Variants in PRRG2 observed in about 807,000 individuals in gnomAD.
PRRG2 encodes transmembrane gamma-carboxyglutamic acid protein 2.
A neutral mutation model predicts 27.1 loss-of-function variants in PRRG2; 23 were observed. The observed-to-expected ratio is 0.85, with a 90% CI of 0.61 to 1.20. PRRG2 has a LOEUF of 1.20. PRRG2 is among the 50% of genes most tolerant of loss of function. The pLI, the probability that PRRG2 is intolerant of heterozygous loss-of-function variation, is 0.00. For missense variants in PRRG2, 276 were observed against 254.8 expected (o/e 1.08, Z -0.57); for synonymous variants, 104 against 103.4 (o/e 1.01, Z -0.03).
At chr19:49,581,941 A>G (rs2080627520) in intron 1 of PRRG2, among the ~76,000 whole-genome samples, 1 of 151,868 alleles carries the variant, frequency 6.6e-6, no homozygotes, top group Non-Finnish European at 1.5e-5. Context: ...TATACTGGGG[A>G]TAATAATAGG....
At chr19:49,587,038 TC>T in intron 4 of PRRG2, among the ~76,000 whole-genome samples, 1 of 151,782 alleles carries the variant, frequency 6.6e-6, no homozygotes, top group East Asian at 1.9e-4. Context: ...ACACCTGTGG[TC>T]CCAGCTACTC....
intron 6 of PRRG2, 114 bp downstream of exon 6, chr19:49,590,166 G>T (rs899291947): frequency 1.8e-5 from 24 of 1,346,232 alleles, no homozygotes; most frequent in Non-Finnish European, 2.4e-5. Context: ...CTGGGGCGGG[G>T]CTTGGAGTGC....
In PRRG2 at chr19:49,590,433, T is replaced by G. The variant is rs753800747; in HGVS notation, c.*44T>G. ...CGGCTCTCCGAACCGTGCCCCTGAT[T>G]CATACCGGATTCCGGAAGCCGCTAG... On this transcript the variant is annotated 3_prime_UTR_variant, in exon 7 of 7. Transcript: ENST00000246794. 6.2e-7 allele frequency: 1 copy of G among 1,612,938 alleles called. No homozygotes were observed. The highest frequency in any genetic ancestry group is 8.5e-7 in the Non-Finnish European group (1 of 1,179,536).
chr19:49,583,728 C>G lies in PRRG2; in HGVS notation c.261+11C>G. 1.9e-6 allele frequency: 3 copies of G among 1,613,054 alleles called. No homozygotes were observed. Among genetic ancestry groups the G allele is most frequent in the Non-Finnish European group, 2.5e-6 (3 of 1,179,310 alleles). Reference sequence around the variant, plus strand: ...GACAACACTCTCACGGTGAGGGCCTCGAGACCCTGGAGTTTCGGGCCCTCT... The same window carrying G: ...GACAACACTCTCACGGTGAGGGCCTGGAGACCCTGGAGTTTCGGGCCCTCT... On this transcript the variant is annotated intron_variant, in intron 3 of 6. Transcript: ENST00000246794.
rs1350046193 is a variant in PRRG2 at position 49,589,896 on chromosome 19, C to T, written c.438-4C>T. On this transcript the variant is annotated splice_region_variant and splice_polypyrimidine_tract_variant and intron_variant, in intron 5 of 6. Transcript: ENST00000246794. ...TCTGCTAACTGTACCTTTGCTGTCC[C>T]CAGGGCCGGGCTCATTAGCCCTCTG... The T allele has an allele frequency of 2.5e-6, 4 of 1,613,362 alleles. No individual in the cohort carries two copies. Among genetic ancestry groups the T allele is most frequent in the Non-Finnish European group, 3.4e-6 (4 of 1,179,940 alleles).
At chr19:49,588,462 C>T (rs377029500) in intron 4 of PRRG2, 35 bp from the exon 5 acceptor site, 48 of 1,568,266 alleles carry the variant, frequency 3.1e-5, no homozygotes, top group Non-Finnish European at 3.7e-5. Context: ...TGGCAGTCCC[C>T]GAGACAGTGT....
chr19:49,582,639 G>A (rs1423701646), intron 1 of PRRG2, among the ~76,000 whole-genome samples: 1 of 151,754 alleles, frequency 6.6e-6, no homozygotes, highest in Non-Finnish European at 1.5e-5. Flanking sequence ...AGGCTGAGGC[G>A]GGCAGATCAC....
Position 49,583,946 on chromosome 19 carries a change from AAAG to A in PRRG2, c.296_298del (p.Lys99_Gly100delinsArg), listed in dbSNP as rs1210246519. On this transcript the variant is annotated inframe_deletion, in exon 4 of 7. Coordinates refer to ENST00000246794, the MANE Select transcript of PRRG2 (RefSeq NM_000951.3). ...TTGGGAGAGCTACATCTACAATGGCAAAGGAGGTGAGTGAGGGGCTGAAGCCAT... is the reference window on the plus strand; with the variant it reads ...TTGGGAGAGCTACATCTACAATGGCAGAGGTGAGTGAGGGGCTGAAGCCAT... 4.3e-6 allele frequency: 7 copies of A among 1,613,454 alleles called. No individual in the cohort carries two copies. In the Admixed American group the frequency reaches 1.2e-4, roughly 27 times the overall value.
chr19:49,590,148 C>A (rs531840853), intron 6 of PRRG2, 96 bp downstream of exon 6: 22 of 1,387,668 alleles, frequency 1.6e-5, no homozygotes, highest in Admixed American at 1.4e-4. Context: ...GAATTTGGGC[C>A]TTCTTACCTG....
chr19:49,582,409 G>A (rs1030155070), intron 1 of PRRG2, among the ~76,000 whole-genome samples: 2 of 151,698 alleles, frequency 1.3e-5, no homozygotes, highest in Admixed American at 6.6e-5. Context: ...CAAGTAGTTG[G>A]GATTACAGGC....
In PRRG2 at chr19:49,590,926, C is replaced by T. The variant is rs1233471797; in HGVS notation, c.*537C>T. Reference sequence around the variant, plus strand: ...CCCAGGGAGCTGGAGTTGAGCTGTTCCCCTAAATAAAAACCCTTCGGAAAG... The same window carrying T: ...CCCAGGGAGCTGGAGTTGAGCTGTTTCCCTAAATAAAAACCCTTCGGAAAG... On this transcript the variant is annotated 3_prime_UTR_variant, in exon 7 of 7. Transcript: ENST00000246794. 1 of 155,138 alleles carries T rather than the reference C, an allele frequency of 6.4e-6. No individual in the cohort carries two copies. The highest frequency in any genetic ancestry group is 2.4e-5 in the African/African-American group (1 of 41,434). 9.6% of individuals were successfully genotyped at this position (155,138 alleles called of 1,614,324 possible). A position where few individuals can be genotyped will look rare whatever the true frequency, so the allele number is the denominator to read the frequency against.
At chr19:49,589,438 T>C (rs966283088) in intron 5 of PRRG2, among the ~76,000 whole-genome samples, 1 of 150,822 alleles carries the variant, frequency 6.6e-6, no homozygotes, top group African/African-American at 2.4e-5. Flanking sequence ...TTTTTTTTTT[T>C]TTTTTTTTAA....
rs1416220124 is a variant in PRRG2 at position 49,588,508 on chromosome 19, G to A, written c.313G>A (p.Val105Met). 7.5e-6 allele frequency: 12 copies of A among 1,591,840 alleles called. No individual in the cohort carries two copies. The highest frequency in any genetic ancestry group is 1.8e-5 in the Admixed American group (1 of 56,748). The change falls in exon 5 of 7, where the codon GTG becomes ATG. Residue 105 changes from valine (V) to methionine (M), a missense_variant. Coordinates refer to ENST00000246794, the MANE Select transcript of PRRG2 (RefSeq NM_000951.3). ...CTACTTTCCTGCAGGGCGTGGACGA[G>A]TGGATGTGGCCAGCCTGGCTGTGGG... The part of the protein sequence containing the change: ...IYNGKGGRGR[V>M]DVASLAVGLT...
chr19:49,583,066 A>G, intron 1 of PRRG2, 141 bp from the exon 2 acceptor site: 4 of 653,760 alleles, frequency 6.1e-6, no homozygotes, highest in Non-Finnish European at 7.8e-6. Context: ...TTATATAGGT[A>G]AACAGTATCT....
rs1475640150 is a variant in PRRG2 at position 49,590,397 on chromosome 19, C to G, written c.*8C>G. On this transcript the variant is annotated 3_prime_UTR_variant, in exon 7 of 7. Coordinates refer to ENST00000246794, the MANE Select transcript of PRRG2 (RefSeq NM_000951.3). The stretch of plus-strand genomic sequence containing the variant: ...CTCAGGAGGCCTCACTGAAGAGCTG[C>G]TTTCGAGACCCGGCTCTCCGAACCG... 1.2e-6 allele frequency: 2 copies of G among 1,614,094 alleles called. No homozygotes were observed. Among genetic ancestry groups the G allele is most frequent in the Non-Finnish European group, 1.7e-6 (2 of 1,179,974 alleles).
intron 4 of PRRG2, among the ~76,000 whole-genome samples, chr19:49,584,421 C>T (rs1047462783): frequency 4.0e-5 from 6 of 151,364 alleles, no homozygotes; most frequent in African/African-American, 1.5e-4. Flanking sequence ...CTGCCCGCCT[C>T]GGCCTCCCAA....
chr19:49,587,165 C>CTT (rs552708909), intron 4 of PRRG2, among the ~76,000 whole-genome samples: 49 of 144,844 alleles, frequency 3.4e-4, no homozygotes, highest in African/African-American at 9.9e-4. Flanking sequence ...AAAAAATTTT[C>CTT]TTTTTTTTTT....
chr19:49,585,596 C>T (rs1398772214), intron 4 of PRRG2, among the ~76,000 whole-genome samples: 10 of 151,124 alleles, frequency 6.6e-5, no homozygotes, highest in Non-Finnish European at 8.8e-5. Flanking sequence ...TTCAGGAGTT[C>T]GAGATCAGCC....
intron 4 of PRRG2, among the ~76,000 whole-genome samples, chr19:49,587,330 T>A (rs1421168190): frequency 6.7e-6 from 1 of 148,848 alleles, no homozygotes; most frequent in African/African-American, 2.5e-5. Context: ...CATCCTTTTT[T>A]TTTTTTTTTT....
Sources: gnomAD v4.1 joint callset for allele counts (sites outside exome capture counted in the v4.1 genomes callset) on GRCh38, gnomAD v4.1.1 for gene constraint, MANE v1.5 for transcripts, NCBI Gene and HGNC (gene_info 2026-07-23, HGNC 2026-07-21) for gene names.